The following TEX101 variants were observed in gnomAD, a reference collection of about 807,000 sequenced individuals.
TEX101 encodes testis expressed 101, also known as testis-expressed protein 101.
Under a neutral mutation model 18.1 loss-of-function variants are expected in TEX101, and 10 were observed. The observed-to-expected ratio is 0.55, with a 90% confidence interval of 0.34 to 0.94. The LOEUF is 0.94. TEX101 is among the 40% of genes least tolerant of loss of function. The pLI is 0.02. For synonymous variants in TEX101, 94 were observed against 114.8 expected (o/e 0.82, Z 1.16); for missense variants, 259 against 298.9 (o/e 0.87, Z 0.98).
At position 43,414,953 on chromosome 19, in the gene TEX101, G is replaced by A; in HGVS notation, c.-125G>A. ...TCAACTTTGGCGTCGTGAGATTCTTGTGAGGCGTCTGCCTGGAAGCCGGCA... is the reference window on the plus strand; with the variant it reads ...TCAACTTTGGCGTCGTGAGATTCTTATGAGGCGTCTGCCTGGAAGCCGGCA... On this transcript the variant is annotated 5_prime_UTR_variant, in exon 1 of 6. It adds an upstream start codon to the 5' untranslated region. Transcript: ENST00000598265. 2 of 985,454 alleles carry A rather than the reference G, an allele frequency of 2.0e-6. No individual in the cohort carries two copies. Among genetic ancestry groups the A allele is most frequent in the Non-Finnish European group, 2.4e-6 (2 of 829,948 alleles). The allele number at this position is 985,454 out of a possible 1,614,324, so 61.0% of individuals were successfully genotyped here. A position where few individuals can be genotyped will look rare whatever the true frequency, so the allele number is the denominator to read the frequency against.
At chr19:43,399,802 ATT>A (rs71169230), upstream of TEX101, among the ~76,000 whole-genome samples, 337 of 113,232 alleles carry the variant, frequency 3.0e-3, 1 homozygote, top group East Asian at 4.5e-3. Context: ...CCTATGTCCT[ATT>A]TTTTTTTTTT....
At chr19:43,417,857 G>C (rs761225795) in intron 4 of TEX101, 21 bp from the exon 5 acceptor site, 2 of 1,613,562 alleles carry the variant, frequency 1.2e-6, no homozygotes, top group African/African-American at 2.7e-5. Flanking sequence ...GCCCTTAACT[G>C]TCTCTCTCAT....
chr19:43,408,029 G>A (rs940128535), intron 3 of TEX101, among the ~76,000 whole-genome samples: 3 of 152,356 alleles, frequency 2.0e-5, no homozygotes, highest in African/African-American at 7.2e-5. Context: ...TTCGCAGCGT[G>A]TGTGCAGAGC....
upstream of TEX101, among the ~76,000 whole-genome samples, chr19:43,411,798 G>A (rs190960633): frequency 5.3e-5 from 8 of 152,112 alleles, no homozygotes; most frequent in African/African-American, 1.9e-4. Context: ...TTACAGGCGC[G>A]TGCCACCAGG....
upstream of TEX101, among the ~76,000 whole-genome samples, chr19:43,397,578 GT>G (rs60172201): frequency 0.24 from 35,341 of 150,150 alleles, 4,627 homozygotes; most frequent in East Asian, 0.58. Context: ...ATTTCCTCTG[GT>G]TTTTTTCTGA....
rs757539105 is a variant in TEX101, at chr19:43,416,574, A to G, written c.391+19A>G. 23 of 1,607,012 alleles carry G rather than the reference A, an allele frequency of 1.4e-5. No homozygotes were observed. The Admixed American group carries it at 3.7e-4, about 26-fold the overall frequency. On this transcript the variant is annotated intron_variant, in intron 4 of 5. Transcript: ENST00000598265. The stretch of plus-strand genomic sequence containing the variant: ...ACCACAGGTACCCTGGAAGTGGGGG[A>G]GATAGGTACTAAGAGAAACTCCATA...
In TEX101 at chr19:43,414,964, G is replaced by A. The variant is rs1047530208; in HGVS notation, c.-114G>A. The A allele has an allele frequency of 1.4e-5, 14 of 985,334 alleles. No homozygotes were observed. The African/African-American group carries it at 2.3e-4, about 16-fold the overall frequency. The allele number at this position is 985,334 out of a possible 1,614,324, so 61.0% of individuals were successfully genotyped here. ...GTCGTGAGATTCTTGTGAGGCGTCTGCCTGGAAGCCGGCAGCAATTTTGCT... is the reference window on the plus strand; with the variant it reads ...GTCGTGAGATTCTTGTGAGGCGTCTACCTGGAAGCCGGCAGCAATTTTGCT... On this transcript the variant is annotated 5_prime_UTR_variant, in exon 1 of 6. Coordinates refer to ENST00000598265, the MANE Select transcript of TEX101 (RefSeq NM_001130011.3).
rs144795192 is a variant in TEX101, at chr19:43,416,501, T to C, written c.337T>C (p.Phe113Leu). The change falls in exon 4 of 6, where the codon TTC becomes CTC. Residue 113 changes from phenylalanine to leucine, a missense_variant. Transcript: ENST00000598265. ...TSYSNYCEDS[F>L]CNDKDSLSQF... ...CTACAGTAACTACTGTGAGGATTCC[T>C]TCTGTAATGACAAAGACAGCCTGTC... The C allele has an allele frequency of 6.2e-7, 1 of 1,614,044 alleles. No individual in the cohort carries two copies. Among genetic ancestry groups the C allele is most frequent in the Non-Finnish European group, 8.5e-7 (1 of 1,180,028 alleles).
upstream of TEX101, among the ~76,000 whole-genome samples, chr19:43,413,272 C>T (rs902393138): frequency 2.0e-5 from 3 of 151,850 alleles, no homozygotes; most frequent in African/African-American, 7.3e-5. Flanking sequence ...CTTTGGGGGG[C>T]GGGCGGATCA....
intron 1 of TEX101, among the ~76,000 whole-genome samples, chr19:43,415,404 G>A (rs747992714): frequency 2.0e-5 from 3 of 152,046 alleles, no homozygotes; most frequent in Non-Finnish European, 2.9e-5. Flanking sequence ...CTGTGAACTC[G>A]CTCCAGCTCA....
upstream of TEX101, among the ~76,000 whole-genome samples, chr19:43,397,810 A>AATATATAAAAATATATATTTT (rs1970281084): frequency 1.1e-5 from 1 of 92,642 alleles, no homozygotes; most frequent in Non-Finnish European, 2.5e-5. Flanking sequence ...ATATTATATA[A>AATATATAAAAATATATATTTT]ATATAAATAT....
the TEX101 span, among the ~76,000 whole-genome samples, chr19:43,390,338 T>C: frequency 6.6e-6 from 1 of 152,100 alleles, no homozygotes; most frequent in Non-Finnish European, 1.5e-5. Context: ...CTGCAAAGCT[T>C]TCTACAGCTG....
chr19:43,398,665 A>T (rs1297487397), upstream of TEX101, among the ~76,000 whole-genome samples: 1 of 152,040 alleles, frequency 6.6e-6, no homozygotes, highest in Non-Finnish European at 1.5e-5. Flanking sequence ...CATTTTTTTC[A>T]TGACTGCTAA....
At position 43,416,001 on chromosome 19, in the gene TEX101, A is replaced by T. The variant is rs1386979458; in HGVS notation, c.64+18A>T. ...CCTGACCTGTGCGTATGGGGGACAT[A>T]GGGGAGAGCCGTGTGTCACAGAAGG... On this transcript the variant is annotated intron_variant, in intron 2 of 5. Transcript: ENST00000598265. 3.7e-6 allele frequency: 6 copies of T among 1,613,420 alleles called. No homozygotes were observed. Among genetic ancestry groups the T allele is most frequent in the Non-Finnish European group, 4.2e-6 (5 of 1,179,764 alleles).
At chr19:43,407,446 C>G (rs761059940) in intron 3 of TEX101, among the ~76,000 whole-genome samples, 35 of 150,416 alleles carry the variant, frequency 2.3e-4, no homozygotes, top group Non-Finnish European at 1.3e-4. Flanking sequence ...GACGGTGTCA[C>G]TGCACTCCAG....
the TEX101 span, among the ~76,000 whole-genome samples, chr19:43,390,153 C>T: frequency 6.6e-6 from 1 of 152,152 alleles, no homozygotes; most frequent in Non-Finnish European, 1.5e-5. Flanking sequence ...CATTACATTT[C>T]CTTTTTCTGT....
rs1568459007 is a variant in TEX101, at chr19:43,416,523, T to TGTCTCA, written c.362_367dup (p.Ser121_Gln122dup). ...TCCTTCTGTAATGACAAAGACAGCC[T>TGTCTCA]GTCTCAGTTTTGGGAGTTCAGTGAG... On this transcript the variant is annotated inframe_insertion, in exon 4 of 6. Transcript: ENST00000598265. 6.2e-7 allele frequency: 1 copy of TGTCTCA among 1,614,030 alleles called. No homozygotes were observed.
the TEX101 span, among the ~76,000 whole-genome samples, chr19:43,391,955 C>A: frequency 1.3e-5 from 2 of 152,206 alleles, no homozygotes; most frequent in Non-Finnish European, 2.9e-5. Context: ...ATATGGAAAG[C>A]ACTGAGGGGA....
upstream of TEX101, among the ~76,000 whole-genome samples, chr19:43,400,006 G>A (rs1345791139): frequency 6.6e-6 from 1 of 151,924 alleles, no homozygotes; most frequent in East Asian, 1.9e-4. Context: ...GTAAAGACAG[G>A]GTTTCACCAT....
Sources: gnomAD v4.1 joint callset for allele counts (sites outside exome capture counted in the v4.1 genomes callset) on GRCh38, gnomAD v4.1.1 for gene constraint, MANE v1.5 for transcripts, NCBI Gene and HGNC (gene_info 2026-07-23, HGNC 2026-07-21) for gene names.